Variants in DLG2 observed in about 807,000 individuals in gnomAD.
DLG2 encodes the protein disks large homolog 2.
A neutral mutation model predicts 132.5 loss-of-function variants in DLG2; 45 were observed. The ratio of observed to expected loss-of-function variants is 0.34; its 90% CI spans 0.27 to 0.44. The LOEUF is 0.44. DLG2 is among the 20% of genes least tolerant of loss of function. The probability of loss-of-function intolerance (pLI) is 1.00; values close to 1 mark genes in which losing one functional copy is unlikely to be tolerated. For synonymous variants in DLG2, 424 were observed against 419.6 expected (o/e 1.01, Z -0.13); for missense variants, 1,045 against 1,196.9 (o/e 0.87, Z 1.87).
chr11:84,710,311 G>A (rs1172855512), intron 6 of DLG2, among the ~76,000 whole-genome samples: 1 of 151,814 alleles, frequency 6.6e-6, no homozygotes. Context: ...ATTAACCTGA[G>A]GTGCCCACTA....
intron 7 of DLG2, among the ~76,000 whole-genome samples, chr11:84,298,340 C>T (rs1322565312): frequency 6.6e-6 from 1 of 152,138 alleles, no homozygotes; most frequent in Non-Finnish European, 1.5e-5. Flanking sequence ...GAGTCAGTTT[C>T]TTGGCCTCAA....
chr11:83,966,699 T>C (rs1476101056), intron 12 of DLG2, among the ~76,000 whole-genome samples: 1 of 152,118 alleles, frequency 6.6e-6, no homozygotes, highest in Non-Finnish European at 1.5e-5. Context: ...GTGGTCACTA[T>C]AGTGAAGTAA....
intron 3 of DLG2, among the ~76,000 whole-genome samples, chr11:85,371,010 A>C (rs1192400533): frequency 1.3e-5 from 2 of 152,168 alleles, no homozygotes; most frequent in African/African-American, 4.8e-5. Context: ...CTTCTCTGAC[A>C]TGAGTGTTTC....
At chr11:83,597,827 C>G (rs2057884124) in intron 19 of DLG2, among the ~76,000 whole-genome samples, 1 of 150,446 alleles carries the variant, frequency 6.6e-6, no homozygotes. Context: ...ACACAAAAAC[C>G]AAAACTGGCT....
intron 3 of DLG2, among the ~76,000 whole-genome samples, chr11:85,567,700 A>G (rs1565695689): frequency 1.3e-5 from 2 of 152,126 alleles, no homozygotes; most frequent in African/African-American, 2.4e-5. Context: ...TCATCTTATT[A>G]TCAGTCTTAG....
At chr11:84,929,261 C>T (rs916397502) in intron 6 of DLG2, among the ~76,000 whole-genome samples, 5 of 151,112 alleles carry the variant, frequency 3.3e-5, no homozygotes, top group Admixed American at 3.3e-4. Context: ...TTCTCAAGAC[C>T]CCAGTGCCTA....
intron 3 of DLG2, among the ~76,000 whole-genome samples, chr11:85,574,327 A>G (rs2078024542): frequency 6.6e-6 from 1 of 151,772 alleles, no homozygotes; most frequent in Non-Finnish European, 1.5e-5. Context: ...CTACTTACTT[A>G]ATATAGCCTG....
rs866215849 is a variant in DLG2 at position 83,504,332 on chromosome 11, G to C, written c.2194-20104C>G. On this transcript the variant is annotated intron_variant, in intron 21 of 27. Coordinates refer to ENST00000376104, the MANE Select transcript of DLG2 (RefSeq NM_001142699.3). ...AAAGGGCCTGGGCTATCCCTTCCTGGATTGGGTTATTGTAGTTTCCCACTG... is the reference window on the plus strand; with the variant it reads ...AAAGGGCCTGGGCTATCCCTTCCTGCATTGGGTTATTGTAGTTTCCCACTG... 9.2e-5 allele frequency among the ~76,000 whole-genome samples: 14 copies of C among 152,096 alleles called. No individual in the cohort carries two copies. In the South Asian group the frequency reaches 2.1e-3, roughly 23 times the overall value.
chr11:83,956,757 C>T (rs2086961756), intron 14 of DLG2, among the ~76,000 whole-genome samples: 1 of 152,218 alleles, frequency 6.6e-6, no homozygotes, highest in African/African-American at 2.4e-5. Flanking sequence ...GAGGCTAGAA[C>T]ATGCTTGTAC....
At chr11:84,791,098 C>A (rs549808751) in intron 6 of DLG2, among the ~76,000 whole-genome samples, 2 of 152,066 alleles carry the variant, frequency 1.3e-5, no homozygotes, top group African/African-American at 4.8e-5. Context: ...CAGGTGAGAT[C>A]GAGTATGTGA....
chr11:84,013,559 A>G (rs1266048751), intron 11 of DLG2, among the ~76,000 whole-genome samples: 1 of 152,118 alleles, frequency 6.6e-6, no homozygotes, highest in Non-Finnish European at 1.5e-5. Context: ...GCCTACAGCA[A>G]TAGTAGTATT....
At chr11:84,230,140 G>C (rs1444578887) in intron 8 of DLG2, among the ~76,000 whole-genome samples, 3 of 152,118 alleles carry the variant, frequency 2.0e-5, no homozygotes, top group Admixed American at 2.0e-4. Flanking sequence ...ATACACAAAG[G>C]CATGAGCCTG....
At chr11:84,767,831 G>A (rs1233604415) in intron 6 of DLG2, among the ~76,000 whole-genome samples, 2 of 152,048 alleles carry the variant, frequency 1.3e-5, no homozygotes, top group Non-Finnish European at 2.9e-5. Context: ...TCCAAGACCT[G>A]AAGAAATTCT....
At chr11:84,943,891 T>A (rs2049825777) in intron 6 of DLG2, among the ~76,000 whole-genome samples, 1 of 152,322 alleles carries the variant, frequency 6.6e-6, no homozygotes, top group South Asian at 2.1e-4. Flanking sequence ...TCTTTCAGGC[T>A]AAAGAACTCT....
At chr11:83,961,987 T>C (rs890285316) in intron 14 of DLG2, among the ~76,000 whole-genome samples, 14 of 152,022 alleles carry the variant, frequency 9.2e-5, no homozygotes, top group African/African-American at 3.4e-4. Flanking sequence ...TTTAAAAAGA[T>C]ACACCAAAGA....
chr11:83,967,107 TACC>T (rs2090381002), intron 12 of DLG2, among the ~76,000 whole-genome samples: 1 of 152,106 alleles, frequency 6.6e-6, no homozygotes, highest in Non-Finnish European at 1.5e-5. Context: ...TGTGCATATA[TACC>T]ACATTTTCTT....
chr11:85,324,168 T>C (rs2081277865), intron 3 of DLG2, among the ~76,000 whole-genome samples: 1 of 152,190 alleles, frequency 6.6e-6, no homozygotes, highest in East Asian at 1.9e-4. Flanking sequence ...CTTCTCTGAA[T>C]TATGTAGGCC....
At chr11:85,593,736 T>C (rs981447595) in intron 3 of DLG2, among the ~76,000 whole-genome samples, 1 of 152,152 alleles carries the variant, frequency 6.6e-6, no homozygotes, top group African/African-American at 2.4e-5. Flanking sequence ...CCGTGATATA[T>C]TCAAAGAGAT....
chr11:84,633,853 A>T (rs1232613052), intron 6 of DLG2, among the ~76,000 whole-genome samples: 2 of 152,076 alleles, frequency 1.3e-5, no homozygotes, highest in Non-Finnish European at 2.9e-5. Context: ...TAAAATTTGG[A>T]CTGAGTGAAA....
Sources: allele counts gnomAD v4.1 joint callset (sites outside exome capture counted in the v4.1 genomes callset), GRCh38; gene constraint gnomAD v4.1.1; transcripts MANE v1.5; gene names NCBI Gene and HGNC (gene_info 2026-07-23, HGNC 2026-07-21).